SV2C: variants seen among roughly 807,000 people sequenced by gnomAD.
The protein encoded by SV2C is solute carrier family 22 member B3.
A neutral mutation model predicts 79.7 loss-of-function variants in SV2C; 49 were observed. That is an observed-to-expected ratio of 0.61 (90% CI 0.49 to 0.78). SV2C has a LOEUF of 0.78. Among genes scored for constraint, SV2C ranks in the 30% least tolerant of loss-of-function variants. The pLI, the probability that SV2C is intolerant of heterozygous loss-of-function variation, is 0.00. For synonymous variants in SV2C, 334 were observed against 333.2 expected, an observed-to-expected ratio of 1.00 and a Z score of -0.03; for missense variants, 833 against 912.9, an observed-to-expected ratio of 0.91 and a Z score of 1.13.
intron 12 of SV2C, among the ~76,000 whole-genome samples, chr5:76,352,180 T>A (rs1749654575): frequency 6.6e-6 from 1 of 152,056 alleles, no homozygotes; most frequent in African/African-American, 2.4e-5. Flanking sequence ...GCCATTGCAC[T>A]CCAGCCTGGG....
At chr5:76,130,284 C>T (rs1748843820) in intron 1 of SV2C, among the ~76,000 whole-genome samples, 1 of 151,604 alleles carries the variant, frequency 6.6e-6, no homozygotes. Context: ...TTCCAAAACG[C>T]AGCCTGTGAG....
At chr5:76,298,758 CATTG>C in intron 9 of SV2C, 32 bp from the exon 10 acceptor site, 1 of 1,607,840 alleles carries the variant, frequency 6.2e-7, no homozygotes. Flanking sequence ...TGGACACAGT[CATTG>C]ATTGATATGA....
intron 1 of SV2C, among the ~76,000 whole-genome samples, chr5:76,108,397 G>T (rs150867688): frequency 6.6e-6 from 1 of 152,290 alleles, no homozygotes; most frequent in East Asian, 1.9e-4. Context: ...TGAGATAAAA[G>T]AATTTGGAAG....
chr5:76,262,945 G>A (rs1037996805), intron 4 of SV2C, among the ~76,000 whole-genome samples: 1 of 152,106 alleles, frequency 6.6e-6, no homozygotes, highest in East Asian at 1.9e-4. Flanking sequence ...TGTCTATTAG[G>A]TCCACTTGGT....
chr5:75,928,052 T>C, the SV2C span, among the ~76,000 whole-genome samples: 1 of 152,208 alleles, frequency 6.6e-6, no homozygotes, highest in African/African-American at 2.4e-5. Flanking sequence ...TTCCTCCTTT[T>C]CTAAAATATA....
the SV2C span, among the ~76,000 whole-genome samples, chr5:75,925,776 CAT>C: frequency 1.3e-5 from 2 of 151,634 alleles, no homozygotes; most frequent in Admixed American, 1.3e-4. Flanking sequence ...GCACAAAGAA[CAT>C]AGATTCTTAG....
chr5:75,954,677 A>T, the SV2C span, among the ~76,000 whole-genome samples: 1 of 150,492 alleles, frequency 6.6e-6, no homozygotes, highest in African/African-American at 2.5e-5. Context: ...CCTTAAGCTG[A>T]TAAGCAACTT....
At chr5:75,971,293 C>T in the SV2C span, among the ~76,000 whole-genome samples, 3 of 152,044 alleles carry the variant, frequency 2.0e-5, no homozygotes, top group Admixed American at 1.3e-4. Context: ...CTCACCACTC[C>T]TATTCAACAT....
chr5:76,281,113 C>T, intron 4 of SV2C: 1 of 542,252 alleles, frequency 1.8e-6, no homozygotes, highest in Non-Finnish European at 3.8e-6. Flanking sequence ...AGAGAATTAC[C>T]TTATACAGAT....
Position 76,106,303 on chromosome 5 carries a change from C to T in SV2C, c.-102+22791C>T, listed in dbSNP as rs140290903. ...ACTGCTGTCTACTATCCCGTGCCCC[C>T]TCCCATCTGAACTACCTGAATTACT... On this transcript the variant is annotated intron_variant, in intron 1 of 12. Coordinates refer to ENST00000502798, the MANE Select transcript of SV2C (RefSeq NM_014979.4). 1.9e-4 allele frequency among the ~76,000 whole-genome samples: 29 copies of T among 152,284 alleles called. No homozygotes were observed. In the East Asian group the frequency reaches 5.6e-3, roughly 29 times the overall value.
At chr5:76,250,799 C>T (rs554277385) in intron 4 of SV2C, among the ~76,000 whole-genome samples, 1 of 152,254 alleles carries the variant, frequency 6.6e-6, no homozygotes, top group Admixed American at 6.5e-5. Flanking sequence ...GCCAGATGGG[C>T]ACAGATTAAT....
At chr5:75,913,238 A>G in the SV2C span, among the ~76,000 whole-genome samples, 1 of 152,202 alleles carries the variant, frequency 6.6e-6, no homozygotes, top group Non-Finnish European at 1.5e-5. Flanking sequence ...TTTGGCCAGT[A>G]TGGAGGTCCC....
At chr5:76,230,634 C>CA (rs759488748) in intron 4 of SV2C, among the ~76,000 whole-genome samples, 136 of 152,072 alleles carry the variant, frequency 8.9e-4, no homozygotes, top group Non-Finnish European at 1.1e-3. Context: ...ACTAAAATTA[C>CA]AAAAATTATC....
intron 1 of SV2C, among the ~76,000 whole-genome samples, chr5:76,110,743 A>T (rs577888519): frequency 2.6e-5 from 4 of 152,340 alleles, no homozygotes; most frequent in African/African-American, 9.6e-5. Context: ...CATTTTATCG[A>T]GAAATTAGAA....
intron 3 of SV2C, among the ~76,000 whole-genome samples, chr5:76,202,573 G>A (rs4485905): frequency 6.6e-6 from 1 of 152,296 alleles, no homozygotes; most frequent in Admixed American, 6.5e-5. Flanking sequence ...GAACAGATCA[G>A]TCCAAAAATA....
At chr5:75,864,484 G>A in the SV2C span, among the ~76,000 whole-genome samples, 1 of 152,186 alleles carries the variant, frequency 6.6e-6, no homozygotes, top group African/African-American at 2.4e-5. Context: ...TTTCTGCCGA[G>A]GTAGACTTGT....
chr5:75,963,007 G>A, the SV2C span, among the ~76,000 whole-genome samples: 2 of 151,974 alleles, frequency 1.3e-5, no homozygotes, highest in Non-Finnish European at 2.9e-5. Flanking sequence ...ACAACTAATG[G>A]CAACACACTG....
intron 2 of SV2C, among the ~76,000 whole-genome samples, chr5:76,148,811 G>C (rs1749514359): frequency 6.6e-6 from 1 of 152,122 alleles, no homozygotes; most frequent in Non-Finnish European, 1.5e-5. Context: ...CAGCCTACTT[G>C]CCATTGTTGT....
intron 2 of SV2C, among the ~76,000 whole-genome samples, chr5:76,191,793 A>G (rs1196437221): frequency 6.6e-6 from 1 of 152,254 alleles, no homozygotes; most frequent in Non-Finnish European, 1.5e-5. Flanking sequence ...GAACTATGGT[A>G]GGAAGAGTAA....
Sources: allele counts gnomAD v4.1 joint callset (sites outside exome capture counted in the v4.1 genomes callset), GRCh38; gene constraint gnomAD v4.1.1; transcripts MANE v1.5; gene names NCBI Gene and HGNC (gene_info 2026-07-23, HGNC 2026-07-21).